Variants in BRDT observed in about 807,000 individuals in gnomAD.
The protein encoded by BRDT is bromodomain testis-specific protein.
Under a neutral mutation model 113.9 loss-of-function variants are expected in BRDT, and 77 were observed. That is an observed-to-expected ratio of 0.68 (90% CI 0.56 to 0.82). The LOEUF is 0.82. Ranked by LOEUF, BRDT falls within the 40% of genes least tolerant of loss-of-function variation. BRDT has a pLI of 0.00. For missense variants in BRDT, 1,027 were observed against 1,105.4 expected, an observed-to-expected ratio of 0.93 and a Z score of 1.01; for synonymous variants, 358 against 366.5, an observed-to-expected ratio of 0.98 and a Z score of 0.26.
intron 12 of BRDT, among the ~76,000 whole-genome samples, chr1:91,984,851 T>G (rs1685065304): frequency 1.3e-5 from 2 of 152,134 alleles, no homozygotes; most frequent in Non-Finnish European, 2.9e-5. Flanking sequence ...GTTTCCAAGG[T>G]TGGCCTTGAA....
intron 4 of BRDT, among the ~76,000 whole-genome samples, chr1:91,969,044 C>T (rs1295364242): frequency 6.6e-6 from 1 of 152,048 alleles, no homozygotes; most frequent in Admixed American, 6.6e-5. Flanking sequence ...TCAAGCCATT[C>T]TCCTGCCTCA....
chr1:91,997,040 GA>G (rs1307692904), intron 15 of BRDT, among the ~76,000 whole-genome samples: 1 of 149,874 alleles, frequency 6.7e-6, no homozygotes, highest in Non-Finnish European at 1.5e-5. Context: ...AGTAAAAGTA[GA>G]AAAAAATAGT....
At chr1:91,984,618 AT>A (rs1331223123) in intron 12 of BRDT, among the ~76,000 whole-genome samples, 7 of 152,174 alleles carry the variant, frequency 4.6e-5, no homozygotes, top group African/African-American at 1.7e-4. Context: ...AAAATAAAAT[AT>A]AAATATGAAA....
intron 12 of BRDT, 151 bp from the exon 13 acceptor site, chr1:91,991,033 G>A (rs901784759): frequency 5.8e-5 from 23 of 393,962 alleles, no homozygotes; most frequent in Middle Eastern, 8.3e-4. Flanking sequence ...TCCTGACCTC[G>A]TGATCCACCT....
chr1:91,969,853 A>C (rs570929590), intron 4 of BRDT, among the ~76,000 whole-genome samples: 91 of 116,700 alleles, frequency 7.8e-4, no homozygotes, highest in African/African-American at 2.9e-3. Context: ...TTTGAGACAG[A>C]GTTTCACTCT....
chr1:91,952,519 T>G (rs149015780), intron 1 of BRDT, among the ~76,000 whole-genome samples: 1 of 150,430 alleles, frequency 6.6e-6, no homozygotes, highest in East Asian at 2.0e-4. Context: ...AAGAAAAGAT[T>G]GAGGCCATAA....
chr1:91,985,387 G>C (rs1198902466), intron 12 of BRDT, among the ~76,000 whole-genome samples: 3 of 151,854 alleles, frequency 2.0e-5, no homozygotes. Flanking sequence ...TAGAAATGGG[G>C]TTTCATCATG....
chr1:91,999,964 C>T (rs781160680), intron 15 of BRDT, among the ~76,000 whole-genome samples: 3 of 152,182 alleles, frequency 2.0e-5, no homozygotes, highest in African/African-American at 4.8e-5. Flanking sequence ...CAGCCTCAAC[C>T]GCCTGGGCTC....
At chr1:91,959,419 C>CTTT (rs11346071) in intron 1 of BRDT, among the ~76,000 whole-genome samples, 8 of 112,804 alleles carry the variant, frequency 7.1e-5, no homozygotes, top group Non-Finnish European at 9.7e-5. Flanking sequence ...CTTTTTCTTT[C>CTTT]TTTTTTTTTT....
In BRDT at chr1:91,980,977, C is replaced by A. The variant is rs375558440; in HGVS notation, c.1549C>A (p.Gln517Lys). The part of the protein sequence containing the change: ...AKPMNYDEKR[Q>K]LSLNINKLPG... The stretch of plus-strand genomic sequence containing the variant: ...ACCTATGAACTATGATGAGAAAAGG[C>A]AGTTAAGTCTGAATATAAACAAACT... Residue 517 changes from glutamine (Q) to lysine (K), a missense_variant, in exon 10 of 19, where the codon CAG becomes AAG. Gln to Lys is a moderately conservative substitution (Grantham distance 53, BLOSUM62 1). Transcript: ENST00000399546. The A allele has an allele frequency of 1.1e-5, 18 of 1,613,940 alleles. No homozygotes were observed. The highest frequency in any genetic ancestry group is 1.5e-5 in the Non-Finnish European group (18 of 1,179,940).
intron 4 of BRDT, among the ~76,000 whole-genome samples, chr1:91,974,715 T>C (rs916294649): frequency 3.9e-5 from 6 of 152,180 alleles, no homozygotes; most frequent in African/African-American, 1.4e-4. Context: ...ATTGTGGAAG[T>C]CAGTGTGGTG....
intron 12 of BRDT, among the ~76,000 whole-genome samples, chr1:91,988,834 A>G (rs1473987888): frequency 6.6e-6 from 1 of 152,254 alleles, no homozygotes; most frequent in African/African-American, 2.4e-5. Flanking sequence ...ATGAATAAGC[A>G]TATATATGTA....
intron 12 of BRDT, among the ~76,000 whole-genome samples, chr1:91,988,423 C>T (rs771418946): frequency 6.6e-6 from 1 of 151,684 alleles, no homozygotes; most frequent in South Asian, 2.1e-4. Flanking sequence ...TTTTTTGAGA[C>T]GGCATCTTGC....
chr1:91,969,338 AT>A (rs10625358), intron 4 of BRDT, among the ~76,000 whole-genome samples: 48 of 148,980 alleles, frequency 3.2e-4, no homozygotes, highest in East Asian at 1.2e-3. Flanking sequence ...GCAGAGGTTG[AT>A]TTTTTTTTTT....
At chr1:91,985,675 T>G (rs1018077244) in intron 12 of BRDT, among the ~76,000 whole-genome samples, 4 of 145,528 alleles carry the variant, frequency 2.7e-5, no homozygotes, top group African/African-American at 1.0e-4. Flanking sequence ...AGTCTGCTCT[T>G]TTGCCCAGGC....
intron 14 of BRDT, among the ~76,000 whole-genome samples, 167 bp downstream of exon 14, chr1:91,992,481 T>C (rs1161133591): frequency 6.6e-6 from 1 of 150,672 alleles, no homozygotes; most frequent in Non-Finnish European, 1.5e-5. Flanking sequence ...ATTTATTAGA[T>C]GGCTTGGAGT....
chr1:91,994,698 C>G (rs1370542058), intron 15 of BRDT, among the ~76,000 whole-genome samples: 1 of 151,280 alleles, frequency 6.6e-6, no homozygotes. Context: ...GAAACCCCGT[C>G]TCTACTAAAA....
At chr1:91,989,805 A>G (rs1344522840) in intron 12 of BRDT, among the ~76,000 whole-genome samples, 1 of 152,218 alleles carries the variant, frequency 6.6e-6, no homozygotes, top group Non-Finnish European at 1.5e-5. Context: ...GTCATTTTAA[A>G]TACTTGAATT....
intron 3 of BRDT, among the ~76,000 whole-genome samples, chr1:91,967,690 G>A (rs762089454): frequency 6.6e-6 from 1 of 151,930 alleles, no homozygotes; most frequent in African/African-American, 2.4e-5. Flanking sequence ...GAGCCACCGC[G>A]CCCAGCCTAA....
Sources: allele counts gnomAD v4.1 joint callset (sites outside exome capture counted in the v4.1 genomes callset), GRCh38; gene constraint gnomAD v4.1.1; transcripts MANE v1.5; gene names NCBI Gene and HGNC (gene_info 2026-07-23, HGNC 2026-07-21).